Variants in CLSTN2 observed in about 807,000 individuals in gnomAD.
The protein encoded by CLSTN2 is calsyntenin-2.
Under a neutral mutation model 101.2 loss-of-function variants are expected in CLSTN2, and 48 were observed. The ratio of observed to expected loss-of-function variants is 0.47; its 90% CI spans 0.38 to 0.60. CLSTN2 has a LOEUF of 0.60. Ranked by LOEUF, CLSTN2 falls within the 20% of genes least tolerant of loss-of-function variation. The pLI, the probability that CLSTN2 is intolerant of heterozygous loss-of-function variation, is 0.00. For synonymous variants in CLSTN2, 481 were observed against 463.6 expected, an observed-to-expected ratio of 1.04 and a Z score of -0.48; for missense variants, 1,160 against 1,238.2, an observed-to-expected ratio of 0.94 and a Z score of 0.95.
chr3:140,366,636 CT>C (rs1163484124), intron 2 of CLSTN2, among the ~76,000 whole-genome samples: 2 of 152,160 alleles, frequency 1.3e-5, no homozygotes, highest in Non-Finnish European at 2.9e-5. Context: ...ACTTCATTTG[CT>C]CTGCAATTCC....
intron 1 of CLSTN2, among the ~76,000 whole-genome samples, chr3:140,063,271 C>T (rs890432951): frequency 6.6e-6 from 1 of 152,116 alleles, no homozygotes; most frequent in Non-Finnish European, 1.5e-5. Context: ...TTTAGTACCC[C>T]CTGAATTCTA....
chr3:140,206,659 A>C (rs984734224), intron 2 of CLSTN2, among the ~76,000 whole-genome samples: 3 of 147,160 alleles, frequency 2.0e-5, no homozygotes, highest in Middle Eastern at 3.3e-3. Flanking sequence ...ATGTGCTGCC[A>C]AATGGATTTG....
chr3:140,073,491 G>A (rs983288223), intron 1 of CLSTN2, among the ~76,000 whole-genome samples: 16 of 152,190 alleles, frequency 1.1e-4, no homozygotes, highest in Admixed American at 8.5e-4. Flanking sequence ...GCAGACAACT[G>A]GGCCCTTGGC....
intron 8 of CLSTN2, among the ~76,000 whole-genome samples, chr3:140,515,493 T>A (rs1484695240): frequency 1.3e-5 from 2 of 152,166 alleles, no homozygotes; most frequent in African/African-American, 4.8e-5. Flanking sequence ...GACTTACTGA[T>A]GTAGGGATTT....
chr3:140,124,350 A>G (rs1447794343), intron 1 of CLSTN2, among the ~76,000 whole-genome samples: 3 of 152,164 alleles, frequency 2.0e-5, no homozygotes, highest in Non-Finnish European at 2.9e-5. Flanking sequence ...TTGTTAGTGG[A>G]CTGCTGCAGA....
chr3:140,539,798 C>T (rs574004228), intron 9 of CLSTN2, among the ~76,000 whole-genome samples: 40 of 152,256 alleles, frequency 2.6e-4, no homozygotes, highest in Admixed American at 1.2e-3. Context: ...TACCTTGCTG[C>T]GAGTCATGTA....
At chr3:140,424,389 C>T (rs563296576) in intron 5 of CLSTN2, among the ~76,000 whole-genome samples, 2 of 152,298 alleles carry the variant, frequency 1.3e-5, no homozygotes, top group East Asian at 3.9e-4. Context: ...AGAGAGGAAC[C>T]TCCTCTCCTC....
At chr3:140,495,524 T>C (rs1934447950) in intron 8 of CLSTN2, among the ~76,000 whole-genome samples, 1 of 152,256 alleles carries the variant, frequency 6.6e-6, no homozygotes, top group African/African-American at 2.4e-5. Context: ...GTTTTTGTCA[T>C]GAAATCTTTG....
intron 1 of CLSTN2, among the ~76,000 whole-genome samples, chr3:139,966,310 A>C (rs1230734039): frequency 6.6e-6 from 1 of 152,228 alleles, no homozygotes; most frequent in East Asian, 1.9e-4. Flanking sequence ...AATTCCAGTC[A>C]TATTAAGGAC....
intron 2 of CLSTN2, among the ~76,000 whole-genome samples, chr3:140,367,421 G>A (rs2087803368): frequency 6.6e-6 from 1 of 150,892 alleles, no homozygotes; most frequent in African/African-American, 2.5e-5. Flanking sequence ...GCTGAGGCAG[G>A]AGAATTGCTT....
intron 1 of CLSTN2, among the ~76,000 whole-genome samples, chr3:140,153,800 C>T (rs2107815604): frequency 6.6e-6 from 1 of 152,198 alleles, no homozygotes; most frequent in Admixed American, 6.5e-5. Context: ...TGAAGGCAGC[C>T]ATGGGAGGTG....
At chr3:140,507,540 C>T (rs966220585) in intron 8 of CLSTN2, 10 of 152,098 alleles carry the variant, frequency 6.6e-5, no homozygotes, top group Non-Finnish European at 1.3e-4. Context: ...CAAACCCACC[C>T]CTCGCTTCTG....
At chr3:140,084,633 G>A (rs2008650955) in intron 1 of CLSTN2, among the ~76,000 whole-genome samples, 1 of 152,292 alleles carries the variant, frequency 6.6e-6, no homozygotes, top group Middle Eastern at 3.4e-3. Flanking sequence ...GAAACTACCT[G>A]AGGGTTCTCT....
intron 1 of CLSTN2, among the ~76,000 whole-genome samples, chr3:140,119,844 C>G (rs1301298304): frequency 6.6e-6 from 1 of 152,162 alleles, no homozygotes; most frequent in Non-Finnish European, 1.5e-5. Context: ...ATTTGGGAGT[C>G]TTTGCTGCTT....
chr3:140,508,315 T>C (rs1934725342), intron 8 of CLSTN2: 1 of 152,200 alleles, frequency 6.6e-6, no homozygotes, highest in South Asian at 2.1e-4. Context: ...CCCTCCCAGT[T>C]TCCAAGCTGG....
At chr3:140,327,680 C>G (rs1405683571) in intron 2 of CLSTN2, among the ~76,000 whole-genome samples, 1 of 152,204 alleles carries the variant, frequency 6.6e-6, no homozygotes, top group African/African-American at 2.4e-5. Context: ...TCATGAACCT[C>G]AGATTCCTCA....
At chr3:140,031,370 G>A (rs1393706755) in intron 1 of CLSTN2, among the ~76,000 whole-genome samples, 1 of 152,144 alleles carries the variant, frequency 6.6e-6, no homozygotes, top group African/African-American at 2.4e-5. Flanking sequence ...TTGAGGCATT[G>A]GCTGCCTAAA....
intron 2 of CLSTN2, among the ~76,000 whole-genome samples, chr3:140,327,388 G>A (rs2087342795): frequency 6.6e-6 from 1 of 152,142 alleles, no homozygotes; most frequent in Non-Finnish European, 1.5e-5. Context: ...CAACATGCAT[G>A]GCTTATGAAG....
intron 2 of CLSTN2, among the ~76,000 whole-genome samples, chr3:140,250,818 A>G (rs2107875323): frequency 6.6e-6 from 1 of 152,354 alleles, no homozygotes; most frequent in Admixed American, 6.5e-5. Flanking sequence ...TTTTAATAAT[A>G]CAGTCTTCAT....
Sources: gnomAD v4.1 joint callset for allele counts (sites outside exome capture counted in the v4.1 genomes callset) on GRCh38, gnomAD v4.1.1 for gene constraint, MANE v1.5 for transcripts, NCBI Gene and HGNC (gene_info 2026-07-23, HGNC 2026-07-21) for gene names.